The following R3HDM1 variants were observed in gnomAD, a reference collection of about 807,000 sequenced individuals.
The protein encoded by R3HDM1 is R3H domain-containing protein 1.
In R3HDM1, 46 loss-of-function variants were observed where a neutral mutation model predicts 141.1. That is an observed-to-expected ratio of 0.33 (90% CI 0.26 to 0.42). The LOEUF (loss-of-function observed/expected upper bound fraction) is 0.42, where lower values mean the gene tolerates loss of function less well. R3HDM1 is among the 10% of genes least tolerant of loss of function. R3HDM1 has a pLI of 1.00. For missense variants in R3HDM1, 1,184 were observed against 1,368.3 expected (o/e 0.87, Z 2.12); for synonymous variants, 435 against 472.9 (o/e 0.92, Z 1.04).
chr2:135,533,399 A>G (rs1695348878), intron 1 of R3HDM1, among the ~76,000 whole-genome samples: 1 of 152,246 alleles, frequency 6.6e-6, no homozygotes, highest in Non-Finnish European at 1.5e-5. Flanking sequence ...GAGTTAATTG[A>G]TAAATTATAC....
rs762650231 is a variant in R3HDM1 at position 135,680,250 on chromosome 2, T to A, written c.2385T>A (p.Asn795Lys). ...CTGTTATGTTCCCTAATCAGTCTAA[T>A]CAAGGATCTATGCCCACAACAGGAA... ...QQPVMFPNQS[N>K]QGSMPTTGMP... is the part of the protein sequence containing the mutation. Residue 795 changes from asparagine (N) to lysine (K), a missense_variant, in exon 21 of 27, where the codon AAT (asparagine) becomes AAA (lysine). Asn to Lys is a moderately conservative substitution (Grantham distance 94). This residue lies in a region of R3HDM1 where 563 missense variants were observed against 562.0 expected (regional missense o/e 1.00). Transcript: ENST00000683871. 1 of 1,613,912 alleles carries A rather than the reference T, an allele frequency of 6.2e-7. No homozygotes were observed. The highest frequency in any genetic ancestry group is 1.3e-5 in the African/African-American group (1 of 75,042).
chr2:135,575,103 T>C (rs569623059), intron 1 of R3HDM1, among the ~76,000 whole-genome samples: 1 of 152,230 alleles, frequency 6.6e-6, no homozygotes, highest in Non-Finnish European at 1.5e-5. Context: ...AGTCACACGA[T>C]GCACAAAGTA....
rs1423038078 is a variant in R3HDM1, at chr2:135,556,393, CA to C, written c.-250+24761del. On this transcript the variant is annotated intron_variant, in intron 1 of 26. Coordinates refer to ENST00000683871, the MANE Select transcript of R3HDM1 (RefSeq NM_001378107.1). The stretch of plus-strand genomic sequence containing the variant: ...ATTGTATGGTATGTGAATAATATCT[CA>C]GTAGAGTGGTTTTTTGAAAACACTA... Among the ~76,000 whole-genome samples the C allele has an allele frequency of 3.3e-5, 5 of 152,136 alleles. No individual in the cohort carries two copies. In the East Asian group the frequency reaches 9.7e-4, roughly 29 times the overall value.
At chr2:135,576,613 G>T (rs1045318103) in intron 1 of R3HDM1, among the ~76,000 whole-genome samples, 1 of 152,130 alleles carries the variant, frequency 6.6e-6, no homozygotes, top group East Asian at 1.9e-4. Flanking sequence ...TATGTCCATT[G>T]ACTGATAATT....
chr2:135,537,299 T>G (rs1230684550), intron 1 of R3HDM1, among the ~76,000 whole-genome samples: 2 of 142,404 alleles, frequency 1.4e-5, no homozygotes, highest in East Asian at 3.9e-4. Context: ...TTTTTTTTTT[T>G]TTTTGAGATG....
At chr2:135,563,979 A>T (rs766898408) in intron 1 of R3HDM1, among the ~76,000 whole-genome samples, 6 of 152,130 alleles carry the variant, frequency 3.9e-5, no homozygotes, top group Non-Finnish European at 7.4e-5. Context: ...GGAGCAAGAG[A>T]GAGTGGGGAG....
chr2:135,643,313 A>G (rs1559326361), intron 15 of R3HDM1, among the ~76,000 whole-genome samples: 1 of 152,112 alleles, frequency 6.6e-6, no homozygotes, highest in Non-Finnish European at 1.5e-5. Flanking sequence ...CAGTATACTA[A>G]TTGATTAAAA....
intron 7 of R3HDM1, 166 bp downstream of exon 7, chr2:135,622,898 CAAATATAT>C: frequency 1.0e-6 from 1 of 983,692 alleles, no homozygotes; most frequent in African/African-American, 1.7e-5. Context: ...CTAGTATATG[CAAATATAT>C]AAATATCTTT....
At chr2:135,620,363 A>G in intron 5 of R3HDM1, 1 of 850,638 alleles carries the variant, frequency 1.2e-6, no homozygotes, top group Non-Finnish European at 1.4e-6. Flanking sequence ...GGGTTGGAAA[A>G]TGAATCACAA....
At chr2:135,704,405 T>C (rs1222817913) in intron 21 of R3HDM1, among the ~76,000 whole-genome samples, 1 of 152,234 alleles carries the variant, frequency 6.6e-6, no homozygotes, top group African/African-American at 2.4e-5. Flanking sequence ...TACTATAACA[T>C]TTAAAAGCTA....
chr2:135,705,897 A>G (rs2074837663), intron 21 of R3HDM1, among the ~76,000 whole-genome samples: 1 of 152,186 alleles, frequency 6.6e-6, no homozygotes, highest in Admixed American at 6.5e-5. Flanking sequence ...TGGGAGGCCA[A>G]GGCTGGCGGA....
chr2:135,711,882 C>T (rs1338666003), intron 23 of R3HDM1, among the ~76,000 whole-genome samples: 1 of 149,724 alleles, frequency 6.7e-6, no homozygotes, highest in Non-Finnish European at 1.5e-5. Context: ...TTGCTTGAAC[C>T]CAGGAGGCAG....
At chr2:135,619,014 C>A in intron 5 of R3HDM1, among the ~76,000 whole-genome samples, 1 of 134,050 alleles carries the variant, frequency 7.5e-6, no homozygotes, top group African/African-American at 2.8e-5. Flanking sequence ...GAGCGAAACT[C>A]TTATCTCAAA....
At chr2:135,701,562 A>G (rs1000509037) in intron 21 of R3HDM1, among the ~76,000 whole-genome samples, 3 of 152,170 alleles carry the variant, frequency 2.0e-5, no homozygotes, top group Non-Finnish European at 4.4e-5. Flanking sequence ...TGACTCTCCA[A>G]CAGGATGTCA....
At chr2:135,581,442 A>G (rs1303713291) in intron 1 of R3HDM1, 4 of 953,896 alleles carry the variant, frequency 4.2e-6, no homozygotes, top group Non-Finnish European at 5.0e-6. Flanking sequence ...TGGATACCTC[A>G]TTTCACCATT....
chr2:135,650,998 G>T, intron 17 of R3HDM1: 4 of 985,372 alleles, frequency 4.1e-6, no homozygotes, highest in Non-Finnish European at 4.8e-6. Context: ...AACAATAAGA[G>T]CTGGTCCTTA....
chr2:135,617,433 CTTGT>C (rs1342603326), intron 5 of R3HDM1, among the ~76,000 whole-genome samples: 1 of 151,882 alleles, frequency 6.6e-6, no homozygotes, highest in Non-Finnish European at 1.5e-5. Flanking sequence ...ATACTTAATG[CTTGT>C]TTGTAAAGAG....
At chr2:135,590,689 T>G in intron 1 of R3HDM1, 1 of 985,406 alleles carries the variant, frequency 1.0e-6, no homozygotes, top group Non-Finnish European at 1.2e-6. Flanking sequence ...TATGAGAGAT[T>G]GTGAGCTTTT....
At chr2:135,638,559 G>T in intron 11 of R3HDM1, 59 bp from the exon 12 acceptor site, 1 of 1,493,250 alleles carries the variant, frequency 6.7e-7, no homozygotes. Flanking sequence ...TTGGTTTACA[G>T]ATGGCATTAC....
Sources: gnomAD v4.1 joint callset for allele counts (sites outside exome capture counted in the v4.1 genomes callset) on GRCh38, gnomAD v4.1.1 for gene constraint, gnomAD v4.1.1 regional missense constraint, MANE v1.5 for transcripts, NCBI Gene and HGNC (gene_info 2026-07-23, HGNC 2026-07-21) for gene names.